Variants in LMF1 observed in about 807,000 individuals in gnomAD.
LMF1 encodes transmembrane protein 112.
A neutral mutation model predicts 60.6 loss-of-function variants in LMF1; 68 were observed. That is an observed-to-expected ratio of 1.12 (90% CI 0.92 to 1.37). The LOEUF (loss-of-function observed/expected upper bound fraction) is 1.37, where lower values mean the gene tolerates loss of function less well. LMF1 is among the 40% of genes most tolerant of loss of function. LMF1 has a pLI of 0.00. For missense variants in LMF1, 948 were observed against 767.2 expected, an observed-to-expected ratio of 1.24 and a Z score of -2.78; for synonymous variants, 418 against 324.7, an observed-to-expected ratio of 1.29 and a Z score of -3.09.
chr16:973,225 A>G (rs1404790449), upstream of LMF1, among the ~76,000 whole-genome samples: 3 of 152,126 alleles, frequency 2.0e-5, no homozygotes, highest in Non-Finnish European at 4.4e-5. Flanking sequence ...GGCACCTGTA[A>G]TCCCAGCTAC....
At chr16:973,997 G>A (rs1193576852), upstream of LMF1, among the ~76,000 whole-genome samples, 3 of 145,858 alleles carry the variant, frequency 2.1e-5, no homozygotes, top group East Asian at 2.0e-4. Flanking sequence ...GCGACAGAGC[G>A]AGACTCTGTC....
At chr16:925,642 G>A (rs1423062093) in intron 3 of LMF1, among the ~76,000 whole-genome samples, 1 of 152,164 alleles carries the variant, frequency 6.6e-6, no homozygotes, top group African/African-American at 2.4e-5. Flanking sequence ...GGCTGAGGTG[G>A]GAGGATCACT....
intron 10 of LMF1, among the ~76,000 whole-genome samples, chr16:866,116 C>T (rs533371652): frequency 2.6e-5 from 4 of 152,184 alleles, no homozygotes; most frequent in African/African-American, 7.2e-5. Context: ...TATCATCTGT[C>T]GACTGTCCTT....
At position 940,348 on chromosome 16, in the gene LMF1, T is replaced by A. The variant is rs564845778; in HGVS notation, c.504-6094A>T. On this transcript the variant is annotated intron_variant, in intron 2 of 10. Transcript: ENST00000262301. ...TCTCACAGGGCCATGGGAACTGGTTTGGACATATCTCCATTCCCTGTTGAC... is the reference window on the plus strand; with the variant it reads ...TCTCACAGGGCCATGGGAACTGGTTAGGACATATCTCCATTCCCTGTTGAC... 6.6e-5 allele frequency among the ~76,000 whole-genome samples: 10 copies of A among 152,178 alleles called. No homozygotes were observed. The South Asian group carries it at 2.1e-3, about 32-fold the overall frequency.
intron 4 of LMF1, chr16:898,961 G>A (rs980690056): frequency 1.2e-4 from 19 of 152,244 alleles, no homozygotes; most frequent in Non-Finnish European, 2.8e-4. Flanking sequence ...CTGTTACCGG[G>A]AGATCGCTTG....
At position 874,447 on chromosome 16, in the gene LMF1, C is replaced by T. The variant is rs370209318; in HGVS notation, c.898-3106G>A. 1.1e-4 allele frequency among the ~76,000 whole-genome samples: 16 copies of T among 152,300 alleles called. No homozygotes were observed. In the East Asian group the frequency reaches 2.3e-3, roughly 22 times the overall value. ...CCCTGCCCCTCCCGCCCTGGCAGTC[C>T]GGGGCTGCGTCTCCCTGTCACCAGT... On this transcript the variant is annotated intron_variant, in intron 6 of 10. Transcript: ENST00000262301. This position sits in a 1 kb window ranked among gnomAD's most constrained non-coding sequence, Gnocchi z 4.1.
rs554643678 is a variant in LMF1, at chr16:882,007, C to T, written c.730-2270G>A. On this transcript the variant is annotated intron_variant, in intron 5 of 10. Coordinates refer to ENST00000262301, the MANE Select transcript of LMF1 (RefSeq NM_022773.4). Reference sequence around the variant, plus strand: ...GTTCCAGGAACAAGCCAATCACAAGCGTCCCCGTGGGAAGCGGCCCTTGGA... The same window carrying T: ...GTTCCAGGAACAAGCCAATCACAAGTGTCCCCGTGGGAAGCGGCCCTTGGA... Among the ~76,000 whole-genome samples, 96 of 152,286 alleles carry T rather than the reference C, an allele frequency of 6.3e-4. 1 individual carries two copies. The highest frequency in any genetic ancestry group is 2.2e-3 in the African/African-American group (93 of 41,554).
intron 4 of LMF1, among the ~76,000 whole-genome samples, chr16:906,417 T>C (rs1172664163): frequency 6.6e-6 from 1 of 151,972 alleles, no homozygotes; most frequent in African/African-American, 2.4e-5. Flanking sequence ...CCAGAGAATA[T>C]AAAGCAGGCA....
intron 2 of LMF1, among the ~76,000 whole-genome samples, chr16:940,581 G>T (rs2072074967): frequency 6.6e-6 from 1 of 152,220 alleles, no homozygotes; most frequent in African/African-American, 2.4e-5. Context: ...TGTCCCAGAA[G>T]AGACCAGACA....
chr16:920,835 C>T (rs1271808223), intron 3 of LMF1, among the ~76,000 whole-genome samples: 1 of 152,212 alleles, frequency 6.6e-6, no homozygotes. Flanking sequence ...CCGTCCAAAA[C>T]GAGGGACAGA....
At chr16:879,505 C>T in intron 6 of LMF1, 65 bp downstream of exon 6, 1 of 1,568,054 alleles carries the variant, frequency 6.4e-7, no homozygotes, top group Non-Finnish European at 8.7e-7. Context: ...AGCGGGGCAG[C>T]CAGAAATAGG....
chr16:887,577 T>G (rs1596909589), intron 5 of LMF1, among the ~76,000 whole-genome samples: 1 of 152,092 alleles, frequency 6.6e-6, no homozygotes, highest in Non-Finnish European at 1.5e-5. Flanking sequence ...CTGCACCCCC[T>G]CAGCCACTCC....
chr16:977,557 C>T (rs918905492), intron 1 of LMF1, among the ~76,000 whole-genome samples: 8 of 152,168 alleles, frequency 5.3e-5, no homozygotes, highest in Non-Finnish European at 5.9e-5. Context: ...CTGGGAGGCC[C>T]GGGCCAAGGC....
At chr16:895,708 G>A (rs1008153135) in intron 4 of LMF1, among the ~76,000 whole-genome samples, 11 of 152,242 alleles carry the variant, frequency 7.2e-5, no homozygotes, top group Non-Finnish European at 1.5e-4. Flanking sequence ...AGAGGGACAC[G>A]AATGAGAAAC....
chr16:869,977 A>T lies in LMF1; in HGVS notation c.1322T>A (p.Phe441Tyr). Reference sequence around the variant, plus strand: ...GCTGGGGTCACCTGGCTTGCACTTGAACTCGTAGTCCTCCCACATGGCATC... The same window carrying T: ...GCTGGGGTCACCTGGCTTGCACTTGTACTCGTAGTCCTCCCACATGGCATC... ...APDAMWEDYE[F>Y]KCKPGDPSRR... Residue 441 changes from phenylalanine (F) to tyrosine (Y), a missense_variant, in exon 9 of 11, where the codon TTC (phenylalanine) becomes TAC (tyrosine). Coordinates refer to ENST00000262301, the MANE Select transcript of LMF1 (RefSeq NM_022773.4). The T allele has an allele frequency of 1.9e-6, 3 of 1,613,216 alleles. No individual in the cohort carries two copies. The highest frequency in any genetic ancestry group is 2.5e-6 in the Non-Finnish European group (3 of 1,179,856).
chr16:963,770 G>C lies in LMF1; in HGVS notation c.193+7018C>G, dbSNP rs2072865308. 1.3e-5 allele frequency among the ~76,000 whole-genome samples: 2 copies of C among 152,166 alleles called. 1 individual carries two copies. The highest frequency in any genetic ancestry group is 4.1e-4 in the South Asian group (2 of 4,836). ...CTCACCAAAGCAATAGCCTAAATCA[G>C]TAATTCTAAGGCAAGAAGCATAGGA... On this transcript the variant is annotated intron_variant, in intron 1 of 10. Coordinates refer to ENST00000262301, the MANE Select transcript of LMF1 (RefSeq NM_022773.4).
intron 10 of LMF1, among the ~76,000 whole-genome samples, chr16:860,754 T>C (rs1038401694): frequency 6.6e-6 from 1 of 151,352 alleles, no homozygotes; most frequent in Non-Finnish European, 1.5e-5. Context: ...GAATTGCTTT[T>C]GCGCTTTTGT....
At chr16:909,373 T>C (rs2071047915) in intron 4 of LMF1, among the ~76,000 whole-genome samples, 1 of 152,114 alleles carries the variant, frequency 6.6e-6, no homozygotes, top group South Asian at 2.1e-4. Flanking sequence ...CGGTGAGGAA[T>C]GGGCCCAGAC....
At chr16:945,627 C>T (rs755965468) in intron 2 of LMF1, among the ~76,000 whole-genome samples, 1 of 151,906 alleles carries the variant, frequency 6.6e-6, no homozygotes, top group African/African-American at 2.4e-5. Context: ...AGGTTAAGAA[C>T]GGAAAGGGTC....
Sources: allele counts gnomAD v4.1 joint callset (sites outside exome capture counted in the v4.1 genomes callset), GRCh38; gene constraint gnomAD v4.1.1; non-coding constraint Gnocchi (gnomAD v3.1); transcripts MANE v1.5; gene names NCBI Gene and HGNC (gene_info 2026-07-23, HGNC 2026-07-21).